APOBEC3D: variants seen among roughly 807,000 people sequenced by gnomAD.
APOBEC3D encodes apolipoprotein B mRNA editing enzyme catalytic subunit 3D.
A neutral mutation model predicts 45.6 loss-of-function variants in APOBEC3D; 37 were observed. The observed-to-expected ratio is 0.81, with a 90% CI of 0.62 to 1.07. The LOEUF is 1.07. APOBEC3D is among the 50% of genes least tolerant of loss of function. The pLI is 0.00. For missense variants in APOBEC3D, 496 were observed against 495.3 expected (o/e 1.00, Z -0.01); for synonymous variants, 175 against 180.7 (o/e 0.97, Z 0.25).
rs1603275589 is a variant in APOBEC3D at position 39,023,117 on chromosome 22, AT to A, written c.210+106del. On this transcript the variant is annotated intron_variant, in intron 2 of 6. Transcript: ENST00000216099. ...ATTTATTTATTTTTTCTATTTATTT[AT>A]TTATTTATTTATTTTGAGACAGAGT... 1.1e-5 allele frequency: 10 copies of A among 930,138 alleles called. No homozygotes were observed. The East Asian group carries it at 3.9e-4, about 37-fold the overall frequency. The allele number at this position is 930,138 out of a possible 1,614,324, so 57.6% of individuals were successfully genotyped here.
intron 4 of APOBEC3D, among the ~76,000 whole-genome samples, chr22:39,028,763 G>T (rs1319829814): frequency 1.3e-5 from 2 of 152,082 alleles, no homozygotes; most frequent in African/African-American, 4.8e-5. Flanking sequence ...GTGAAACCCC[G>T]TCTCTACTAA....
rs1298237141 is a variant in APOBEC3D at position 39,032,499 on chromosome 22, GT to G, written c.*184del. 1 of 1,382,142 alleles carries G rather than the reference GT, an allele frequency of 7.2e-7. No homozygotes were observed. The highest frequency in any genetic ancestry group is 2.7e-5 in the East Asian group (1 of 37,518). The allele number at this position is 1,382,142 out of a possible 1,614,324, so 85.6% of individuals were successfully genotyped here. ...CTCCCCGCTCTCCCAGGCTCTTCTT[GT>G]AGAGGCTCTCCATCCACCTCCCCAG... On this transcript the variant is annotated 3_prime_UTR_variant, in exon 7 of 7. Transcript: ENST00000216099.
Position 39,032,309 on chromosome 22 carries a change from T to A in APOBEC3D, c.1154T>A (p.Leu385His). The change falls in exon 7 of 7, where the codon CTC becomes CAC. Residue 385 changes from leucine (L) to histidine (H), a missense_variant. Leu to His is a moderately conservative substitution (Grantham distance 99). Transcript: ENST00000216099. ...RLLKRRLREI[L>H]Q is the part of the protein sequence containing the mutation. ...CTGAAAAGAAGGCTACGGGAGATTC[T>A]CCAGTGAGGGGTCTCCCTGGGCCTC... 1 of 1,614,094 alleles carries A rather than the reference T, an allele frequency of 6.2e-7. No homozygotes were observed. The highest frequency in any genetic ancestry group is 8.5e-7 in the Non-Finnish European group (1 of 1,179,968).
Position 39,025,111 on chromosome 22 carries a change from A to C in APOBEC3D, c.252A>C (p.Leu84Phe), listed in dbSNP as rs1203774685. 6.2e-7 allele frequency: 1 copy of C among 1,606,154 alleles called. No homozygotes were observed. Among genetic ancestry groups the C allele is most frequent in the Non-Finnish European group, 8.5e-7 (1 of 1,176,118 alleles). Reference protein sequence around the residue: ...RFENHAEMCFLSWFCGNRLPA... With the variant: ...RFENHAEMCFFSWFCGNRLPA... ...AGAACCACGCAGAAATGTGCTTCTT[A>C]TCTTGGTTCTGTGGCAACCGACTGC... The change falls in exon 3 of 7, where the codon TTA (leucine) becomes TTC (phenylalanine). Residue 84 changes from leucine to phenylalanine, a missense_variant. Coordinates refer to ENST00000216099, the MANE Select transcript of APOBEC3D (RefSeq NM_152426.4).
At chr22:39,028,635 C>T (rs997063196) in intron 4 of APOBEC3D, among the ~76,000 whole-genome samples, 1 of 152,178 alleles carries the variant, frequency 6.6e-6, no homozygotes, top group African/African-American at 2.4e-5. Flanking sequence ...ATGATCTCTA[C>T]TAAAAATACA....
chr22:39,022,635 C>A (rs1235306679), intron 1 of APOBEC3D, among the ~76,000 whole-genome samples, 187 bp from the exon 2 acceptor site: 1 of 152,140 alleles, frequency 6.6e-6, no homozygotes, highest in Non-Finnish European at 1.5e-5. Context: ...CCCCAGCCCC[C>A]CTGCCAGCAT....
intron 4 of APOBEC3D, among the ~76,000 whole-genome samples, chr22:39,028,152 T>G (rs5750722): frequency 0.83 from 126,488 of 152,200 alleles, 53,062 homozygotes; most frequent in African/African-American, 0.94. Flanking sequence ...GTGAGCAGAG[T>G]AGGATGCACA....
chr22:39,021,478 A>G lies in APOBEC3D; in HGVS notation c.-42A>G. 3 of 1,614,116 alleles carry G rather than the reference A, an allele frequency of 1.9e-6. No homozygotes were observed. Among genetic ancestry groups the G allele is most frequent in the Non-Finnish European group, 2.5e-6 (3 of 1,179,982 alleles). On this transcript the variant is annotated 5_prime_UTR_variant, in exon 1 of 7. Coordinates refer to ENST00000216099, the MANE Select transcript of APOBEC3D (RefSeq NM_152426.4). ...AGGAAGTGAAACCACAGCACTTCAA[A>G]AAAAGAGGGAGACTGGGACAAGCGT...
chr22:39,025,564 A>G lies in APOBEC3D; in HGVS notation c.498A>G (p.Ala166=). The change falls in exon 4 of 7, where the codon GCA becomes GCG. Residue 166 remains alanine, a synonymous_variant. Coordinates refer to ENST00000216099, the MANE Select transcript of APOBEC3D (RefSeq NM_152426.4). ...CCCACCTCTTCATCTCAGACTTTGCATACTGCTGGGAAAACTTTGTGTGCA... is the reference window on the plus strand; with the variant it reads ...CCCACCTCTTCATCTCAGACTTTGCGTACTGCTGGGAAAACTTTGTGTGCA... ...RVKIMDYEDF[A]YCWENFVCNE... The G allele has an allele frequency of 6.2e-7, 1 of 1,614,090 alleles. No individual in the cohort carries two copies. Among genetic ancestry groups the G allele is most frequent in the East Asian group, 2.2e-5 (1 of 44,874 alleles).
chr22:39,026,757 G>GTT (rs1167260095), intron 4 of APOBEC3D, among the ~76,000 whole-genome samples: 2 of 141,792 alleles, frequency 1.4e-5, no homozygotes, highest in Admixed American at 6.8e-5. Flanking sequence ...AGGTTTTTTT[G>GTT]TTTTTTTTTT....
intron 5 of APOBEC3D, among the ~76,000 whole-genome samples, chr22:39,030,350 C>T (rs1160106604): frequency 1.3e-5 from 2 of 151,842 alleles, no homozygotes; most frequent in African/African-American, 2.4e-5. Flanking sequence ...GGGAGGGAGC[C>T]GTCTGTGTGC....
chr22:39,026,211 G>C (rs944640753), intron 4 of APOBEC3D, among the ~76,000 whole-genome samples: 5 of 152,118 alleles, frequency 3.3e-5, no homozygotes, highest in African/African-American at 7.2e-5. Context: ...TGGAGGGGTG[G>C]GTGGGGTTGT....
chr22:39,031,863 A>G lies in APOBEC3D; in HGVS notation c.932A>G (p.Asn311Ser). 6.2e-7 allele frequency: 1 copy of G among 1,614,176 alleles called. No individual in the cohort carries two copies. Among genetic ancestry groups the G allele is most frequent in the Non-Finnish European group, 8.5e-7 (1 of 1,180,030 alleles). The change falls in exon 6 of 7, where the codon AAT becomes AGT. Residue 311 changes from asparagine (N) to serine (S), a missense_variant. Coordinates refer to ENST00000216099, the MANE Select transcript of APOBEC3D (RefSeq NM_152426.4). ...AEFLARHSNV[N>S]LTIFTARLCY... ...TTCCTGGCCAGGCACAGCAACGTGA[A>G]TCTCACCATCTTCACCGCCCGCCTC...
Position 39,021,349 on chromosome 22 carries a change from G to C in APOBEC3D, c.-171G>C. On this transcript the variant is annotated 5_prime_UTR_variant, in exon 1 of 7. Coordinates refer to ENST00000216099, the MANE Select transcript of APOBEC3D (RefSeq NM_152426.4). Reference sequence around the variant, plus strand: ...TCTCGAACTCCTGACCTCGTGATCCGCCCGCCTCGGCCTCCCAAAGTGCTG... The same window carrying C: ...TCTCGAACTCCTGACCTCGTGATCCCCCCGCCTCGGCCTCCCAAAGTGCTG... 1 of 764,494 alleles carries C rather than the reference G, an allele frequency of 1.3e-6. No homozygotes were observed. Among genetic ancestry groups the C allele is most frequent in the Non-Finnish European group, 2.2e-6 (1 of 457,554 alleles). 47.4% of individuals were successfully genotyped at this position (764,494 alleles called of 1,614,324 possible). A position where few individuals can be genotyped will look rare whatever the true frequency, so the allele number is the denominator to read the frequency against.
chr22:39,025,033 C>T (rs767230361), intron 2 of APOBEC3D, 37 bp from the exon 3 acceptor site: 47 of 1,498,836 alleles, frequency 3.1e-5, no homozygotes, highest in Admixed American at 4.4e-5. Context: ...CCTGTTCCCC[C>T]GTCCCAGAGC....
At position 39,025,573 on chromosome 22, in the gene APOBEC3D, G is replaced by A; in HGVS notation, c.507G>A (p.Trp169Ter). Residue 169 changes from tryptophan to a stop codon, truncating the protein, a stop_gained, in exon 4 of 7, where the codon TGG (tryptophan) becomes TGA (stop). Coordinates refer to ENST00000216099, the MANE Select transcript of APOBEC3D (RefSeq NM_152426.4). LOFTEE classifies it high-confidence loss of function. ...IMDYEDFAYC[W>*]ENFVCNEGQP... The stretch of plus-strand genomic sequence containing the variant: ...TCATCTCAGACTTTGCATACTGCTG[G>A]GAAAACTTTGTGTGCAATGAAGGTC... The A allele has an allele frequency of 6.2e-7, 1 of 1,614,104 alleles. No individual in the cohort carries two copies. Among genetic ancestry groups the A allele is most frequent in the Non-Finnish European group, 8.5e-7 (1 of 1,180,000 alleles).
rs368364402 is a variant in APOBEC3D, at chr22:39,025,255, C to T, written c.396C>T (p.Ala132=). The T allele has an allele frequency of 6.1e-5, 99 of 1,614,102 alleles. No individual in the cohort carries two copies. The highest frequency in any genetic ancestry group is 3.3e-4 in the African/African-American group (25 of 74,982). ...CCAATGTCACCCTGACCATCTCTGCCGCCCGCCTCTACTACTACCGGGATA... is the reference window on the plus strand; with the variant it reads ...CCAATGTCACCCTGACCATCTCTGCTGCCCGCCTCTACTACTACCGGGATA... ...EHPNVTLTIS[A]ARLYYYRDRD... is the part of the protein sequence containing the mutation. The change falls in exon 3 of 7, where the codon GCC becomes GCT. Residue 132 remains alanine (A), a synonymous_variant. Transcript: ENST00000216099.
Position 39,031,731 on chromosome 22 carries a change from T to C in APOBEC3D, c.800T>C (p.Phe267Ser), listed in dbSNP as rs1329008218. 3 of 1,613,042 alleles carry C rather than the reference T, an allele frequency of 1.9e-6. No homozygotes were observed. The highest frequency in any genetic ancestry group is 2.7e-5 in the African/African-American group (2 of 74,870). The change falls in exon 6 of 7, where the codon TTC becomes TCC. Residue 267 changes from phenylalanine (F) to serine (S), a missense_variant. Coordinates refer to ENST00000216099, the MANE Select transcript of APOBEC3D (RefSeq NM_152426.4). ...ACCCATTGTCATGCAGAAAGGTGCTTCCTCTCTTGGTTCTGTGACGACATA... is the reference window on the plus strand; with the variant it reads ...ACCCATTGTCATGCAGAAAGGTGCTCCCTCTCTTGGTTCTGTGACGACATA... ...PETHCHAERC[F>S]LSWFCDDILS... is the part of the protein sequence containing the mutation.
At position 39,029,348 on chromosome 22, in the gene APOBEC3D, C is replaced by G. The variant is rs1925978951; in HGVS notation, c.606-15C>G. The G allele has an allele frequency of 1.2e-6, 2 of 1,613,956 alleles. No individual in the cohort carries two copies. The highest frequency in any genetic ancestry group is 1.7e-6 in the Non-Finnish European group (2 of 1,179,856). On this transcript the variant is annotated splice_polypyrimidine_tract_variant and intron_variant, in intron 4 of 6. Coordinates refer to ENST00000216099, the MANE Select transcript of APOBEC3D (RefSeq NM_152426.4). Reference sequence around the variant, plus strand: ...GAGGAATCTCTGCACTGGGGTTTCTCTCTTGTGCCCTCAGAAACCCGATGG... The same window carrying G: ...GAGGAATCTCTGCACTGGGGTTTCTGTCTTGTGCCCTCAGAAACCCGATGG...
Sources: gnomAD v4.1 joint callset for allele counts (sites outside exome capture counted in the v4.1 genomes callset) on GRCh38, gnomAD v4.1.1 for gene constraint, MANE v1.5 for transcripts, NCBI Gene and HGNC (gene_info 2026-07-23, HGNC 2026-07-21) for gene names.